The following TRMT11 variants were observed in gnomAD, a reference collection of about 807,000 sequenced individuals.
TRMT11 encodes the protein tRNA (guanine(10)-N(2))-methyltransferase TRMT11.
A neutral mutation model predicts 62.8 loss-of-function variants in TRMT11; 53 were observed. The observed-to-expected ratio is 0.84, with a 90% CI of 0.68 to 1.06. TRMT11 has a LOEUF of 1.06. Ranked by LOEUF, TRMT11 falls within the 50% of genes least tolerant of loss-of-function variation. The probability of loss-of-function intolerance (pLI) is 0.00; values close to 1 mark genes in which losing one functional copy is unlikely to be tolerated. For missense variants in TRMT11, 556 were observed against 553.4 expected (o/e 1.00, Z -0.05); for synonymous variants, 188 against 190.3 (o/e 0.99, Z 0.10).
the TRMT11 span, among the ~76,000 whole-genome samples, chr6:126,245,770 T>A: frequency 1.2e-4 from 18 of 152,268 alleles, no homozygotes; most frequent in African/African-American, 3.8e-4. Flanking sequence ...TGGTGGTGGG[T>A]AGCTAGTGAA....
chr6:126,152,045 CTCTT>C (rs1015449519), intron 21 of TRMT11, among the ~76,000 whole-genome samples: 3 of 131,378 alleles, frequency 2.3e-5, no homozygotes, highest in Non-Finnish European at 4.8e-5. Flanking sequence ...TTCTCTCTCT[CTCTT>C]TTCTTTCTTT....
At chr6:126,247,477 C>CTATCTATCTATCTATCTGTT in the TRMT11 span, among the ~76,000 whole-genome samples, 72 of 148,550 alleles carry the variant, frequency 4.8e-4, 1 homozygote, top group African/African-American at 1.7e-3. Context: ...ATCTATCTAT[C>CTATCTATCTATCTATCTGTT]TATCTATCTA....
intron 1 of TRMT11, among the ~76,000 whole-genome samples, chr6:126,192,347 C>T (rs1362877459): frequency 2.0e-5 from 3 of 151,954 alleles, no homozygotes; most frequent in Middle Eastern, 3.2e-3. Context: ...TTGGTGAAGG[C>T]TTTAGGTTTT....
At chr6:126,103,431 A>G (rs1035580372) in intron 17 of TRMT11, among the ~76,000 whole-genome samples, 1 of 152,216 alleles carries the variant, frequency 6.6e-6, no homozygotes, top group Non-Finnish European at 1.5e-5. Flanking sequence ...AGTGGCTTAA[A>G]ACAACACACA....
At chr6:126,262,917 G>A in the TRMT11 span, among the ~76,000 whole-genome samples, 1 of 151,980 alleles carries the variant, frequency 6.6e-6, no homozygotes, top group Non-Finnish European at 1.5e-5. Context: ...AGTCTCACTA[G>A]TCAAAACATT....
intron 17 of TRMT11, among the ~76,000 whole-genome samples, chr6:126,100,030 G>C (rs1777381471): frequency 6.6e-6 from 1 of 152,098 alleles, no homozygotes. Context: ...AGTGCTGCTG[G>C]CAGTTTTTCC....
chr6:126,161,571 AT>A (rs1337096714), intron 21 of TRMT11, among the ~76,000 whole-genome samples: 1 of 152,150 alleles, frequency 6.6e-6, no homozygotes, highest in Non-Finnish European at 1.5e-5. Flanking sequence ...TATTAGAATG[AT>A]TTATAATCCT....
At chr6:126,155,566 C>T (rs375807668) in intron 21 of TRMT11, among the ~76,000 whole-genome samples, 35 of 152,306 alleles carry the variant, frequency 2.3e-4, no homozygotes, top group African/African-American at 7.9e-4. Context: ...CATCTTCCAC[C>T]TATGAGCCTG....
intron 21 of TRMT11, among the ~76,000 whole-genome samples, chr6:126,159,083 T>C (rs1161034639): frequency 6.6e-6 from 1 of 151,978 alleles, no homozygotes; most frequent in Non-Finnish European, 1.5e-5. Context: ...TTCTTCTAAA[T>C]GTCTGTTTTC....
chr6:126,178,769 T>C (rs75842836), intron 1 of TRMT11, among the ~76,000 whole-genome samples: 9,287 of 152,118 alleles, frequency 0.061, 972 homozygotes, highest in African/African-American at 0.21. Context: ...TTGGGGAGCA[T>C]AAACCTGGCT....
chr6:126,167,750 C>A (rs776391114), intron 21 of TRMT11, among the ~76,000 whole-genome samples: 1 of 152,202 alleles, frequency 6.6e-6, no homozygotes, highest in African/African-American at 2.4e-5. Flanking sequence ...GCAAGTGATA[C>A]AGCACATATG....
intron 17 of TRMT11, among the ~76,000 whole-genome samples, chr6:126,093,601 A>T (rs1486979417): frequency 1.2e-5 from 1 of 82,736 alleles, no homozygotes; most frequent in African/African-American, 8.2e-5. Flanking sequence ...ATATATATAT[A>T]TATATATATA....
chr6:126,018,904 C>T (rs1795382083), intron 11 of TRMT11, among the ~76,000 whole-genome samples: 1 of 151,432 alleles, frequency 6.6e-6, no homozygotes, highest in African/African-American at 2.4e-5. Context: ...TTTTTTGAGA[C>T]AATTTCGCTC....
intron 1 of TRMT11, among the ~76,000 whole-genome samples, chr6:126,192,804 G>A (rs1778618579): frequency 6.6e-6 from 1 of 152,036 alleles, no homozygotes; most frequent in Admixed American, 6.5e-5. Flanking sequence ...ACTTGATCAT[G>A]GTAAATTATC....
chr6:126,134,994 A>G (rs1464319201), intron 21 of TRMT11, among the ~76,000 whole-genome samples: 1 of 151,768 alleles, frequency 6.6e-6, no homozygotes, highest in Non-Finnish European at 1.5e-5. Context: ...CAGAAAAAGC[A>G]GCACTGAGGG....
downstream of TRMT11, among the ~76,000 whole-genome samples, chr6:126,041,547 CAT>C (rs972692442): frequency 6.6e-6 from 1 of 152,052 alleles, no homozygotes; most frequent in African/African-American, 2.4e-5. Flanking sequence ...TGGAATAAAA[CAT>C]AATGTTTCTC....
intron 1 of TRMT11, among the ~76,000 whole-genome samples, chr6:126,188,714 T>G (rs1369890520): frequency 2.0e-5 from 3 of 152,160 alleles, no homozygotes; most frequent in Non-Finnish European, 4.4e-5. Flanking sequence ...GTTTGCAAAT[T>G]AAAGCCTTGT....
At chr6:126,136,059 T>C (rs578055356) in intron 21 of TRMT11, among the ~76,000 whole-genome samples, 3 of 151,848 alleles carry the variant, frequency 2.0e-5, no homozygotes, top group Non-Finnish European at 4.4e-5. Context: ...TGAAAGCCTT[T>C]CTACAAAGAT....
At chr6:126,266,927 C>A in the TRMT11 span, among the ~76,000 whole-genome samples, 1 of 152,202 alleles carries the variant, frequency 6.6e-6, no homozygotes, top group Middle Eastern at 3.4e-3. Context: ...TCCTCCTTAA[C>A]CTGTAAAGAT....
Sources: allele counts gnomAD v4.1 joint callset (sites outside exome capture counted in the v4.1 genomes callset), GRCh38; gene constraint gnomAD v4.1.1; transcripts MANE v1.5; gene names NCBI Gene and HGNC (gene_info 2026-07-23, HGNC 2026-07-21).